The following NPC1 variants were observed in gnomAD, a reference collection of about 807,000 sequenced individuals.
NPC1 encodes NPC intracellular cholesterol transporter 1.
In NPC1, 85 loss-of-function variants were observed where a neutral mutation model predicts 140.4. The observed-to-expected ratio is 0.61, with a 90% CI of 0.51 to 0.72. The LOEUF (loss-of-function observed/expected upper bound fraction) is 0.72. NPC1 is among the 30% of genes least tolerant of loss of function. The pLI, the probability that NPC1 is intolerant of heterozygous loss-of-function variation, is 0.00. For synonymous variants in NPC1, 656 were observed against 624.8 expected (o/e 1.05, Z -0.74); for missense variants, 1,504 against 1,623.8 (o/e 0.93, Z 1.27).
intron 1 of NPC1, 125 bp downstream of exon 1, chr18:23,586,162 G>GCT (rs2059416294): frequency 2.0e-6 from 2 of 980,642 alleles, no homozygotes; most frequent in African/African-American, 3.3e-5. Flanking sequence ...GAACCTCCGA[G>GCT]CTCTCCATCG....
chr18:23,569,318 G>C (rs2059169737), intron 3 of NPC1, among the ~76,000 whole-genome samples: 1 of 152,044 alleles, frequency 6.6e-6, no homozygotes, highest in African/African-American at 2.4e-5. Flanking sequence ...TGGAGCATCA[G>C]GAAGACAATT....
chr18:23,543,696 G>T, intron 13 of NPC1, 127 bp from the exon 14 acceptor site: 1 of 667,254 alleles, frequency 1.5e-6, no homozygotes, highest in Non-Finnish European at 2.6e-6. Context: ...TGTCTTCTAA[G>T]CATATAAACT....
intron 3 of NPC1, among the ~76,000 whole-genome samples, chr18:23,509,928 T>G (rs2057806642): frequency 6.7e-6 from 1 of 150,108 alleles, no homozygotes; most frequent in Non-Finnish European, 1.5e-5. Context: ...GTCAAACTCC[T>G]AACCTCAACT....
At chr18:23,554,704 C>T in intron 9 of NPC1, 54 bp downstream of exon 9, 1 of 1,418,276 alleles carries the variant, frequency 7.1e-7, no homozygotes, top group Non-Finnish European at 9.9e-7. Context: ...TGCCCATGTA[C>T]CCTAAGTCAG....
chr18:23,516,401 A>G (rs1267081634), intron 3 of NPC1: 3 of 1,614,244 alleles, frequency 1.9e-6, no homozygotes, highest in Non-Finnish European at 1.7e-6. Flanking sequence ...CCTTTCCGAA[A>G]GAGACATCGC....
intron 3 of NPC1, among the ~76,000 whole-genome samples, chr18:23,571,665 A>T (rs561923472): frequency 1.1e-4 from 16 of 151,698 alleles, no homozygotes; most frequent in South Asian, 4.1e-4. Context: ...AAAAAAAAAA[A>T]AAATAAAGAA....
downstream of NPC1, chr18:23,528,843 A>G: frequency 5.4e-6 from 1 of 183,734 alleles, no homozygotes; most frequent in South Asian, 1.1e-4. Context: ...TTCTCAGGCT[A>G]CACCCCACAG....
At chr18:23,526,678 A>G (rs765190813), downstream of NPC1, 6 of 1,614,064 alleles carry the variant, frequency 3.7e-6, no homozygotes, top group East Asian at 1.3e-4. Flanking sequence ...GCCCATAGTA[A>G]ATCTCTTACC....
Position 23,573,437 on chromosome 18 carries a change from A to C in NPC1, c.180+15T>G, listed in dbSNP as rs1348329271. 3 of 1,614,030 alleles carry C rather than the reference A, an allele frequency of 1.9e-6. No individual in the cohort carries two copies. The highest frequency in any genetic ancestry group is 2.5e-6 in the Non-Finnish European group (3 of 1,179,998). On this transcript the variant is annotated intron_variant, in intron 2 of 24. Transcript: ENST00000269228. ...CAGCATTTTGTGTTCCCAGTGCCTAAGATAATGAACTTACCTGCACTAAGT... is the reference window on the plus strand; with the variant it reads ...CAGCATTTTGTGTTCCCAGTGCCTACGATAATGAACTTACCTGCACTAAGT...
chr18:23,530,465 CG>C, downstream of NPC1: 1 of 1,614,210 alleles, frequency 6.2e-7, no homozygotes, highest in Non-Finnish European at 8.5e-7. Flanking sequence ...AAGGTTTATC[CG>C]GGGCATTGGT....
intron 2 of NPC1, among the ~76,000 whole-genome samples, chr18:23,572,492 C>T (rs2059218004): frequency 6.6e-6 from 1 of 152,070 alleles, no homozygotes; most frequent in African/African-American, 2.4e-5. Flanking sequence ...CTTACTATTT[C>T]TATTAGTAAT....
chr18:23,571,591 T>C (rs1029135660), intron 3 of NPC1, among the ~76,000 whole-genome samples: 10 of 151,092 alleles, frequency 6.6e-5, no homozygotes, highest in Non-Finnish European at 1.3e-4. Context: ...CGGGAGGAGG[T>C]TGCAGTAAGC....
chr18:23,566,029 GAAT>G (rs2145508549), intron 4 of NPC1, among the ~76,000 whole-genome samples: 1 of 152,180 alleles, frequency 6.6e-6, no homozygotes. Flanking sequence ...AACACATGGA[GAAT>G]AATACAATTC....
intron 6 of NPC1, among the ~76,000 whole-genome samples, chr18:23,557,394 G>C (rs890980067): frequency 6.6e-6 from 1 of 152,176 alleles, no homozygotes; most frequent in African/African-American, 2.4e-5. Flanking sequence ...GATGTTAAGA[G>C]AACAATTAAT....
intron 3 of NPC1, chr18:23,516,348 T>A: frequency 6.2e-7 from 1 of 1,614,236 alleles, no homozygotes. Context: ...CTGCCCAAAT[T>A]TGAGATTGAA....
chr18:23,534,040 TTTTACTC>T, intron 23 of NPC1: 1 of 338,778 alleles, frequency 3.0e-6, no homozygotes, highest in South Asian at 3.0e-5. Flanking sequence ...AAGTTTTAGT[TTTTACTC>T]TTTACCAGGT....
intron 9 of NPC1, among the ~76,000 whole-genome samples, chr18:23,553,689 G>T (rs529135242): frequency 2.6e-5 from 4 of 152,322 alleles, no homozygotes; most frequent in African/African-American, 9.6e-5. Flanking sequence ...AGCATTCAGG[G>T]AGAGTAGGCC....
At chr18:23,515,969 G>C (rs746621442) in intron 3 of NPC1, 36 of 1,613,986 alleles carry the variant, frequency 2.2e-5, no homozygotes, top group South Asian at 9.9e-5. Context: ...CGGTCCTGGA[G>C]AATGTCCTGC....
At chr18:23,565,401 G>C (rs958027262) in intron 4 of NPC1, among the ~76,000 whole-genome samples, 24 of 152,168 alleles carry the variant, frequency 1.6e-4, no homozygotes, top group African/African-American at 5.8e-4. Flanking sequence ...CTGTCAGCCA[G>C]GCTGGAGTGC....
Sources: gnomAD v4.1 joint callset for allele counts (sites outside exome capture counted in the v4.1 genomes callset) on GRCh38, gnomAD v4.1.1 for gene constraint, MANE v1.5 for transcripts, NCBI Gene and HGNC (gene_info 2026-07-23, HGNC 2026-07-21) for gene names.